Variants in LAMA4 observed in about 807,000 individuals in gnomAD.
LAMA4 encodes the protein laminin subunit alpha-4.
A neutral mutation model predicts 207.1 loss-of-function variants in LAMA4; 127 were observed. The ratio of observed to expected loss-of-function variants is 0.61; its 90% confidence interval spans 0.53 to 0.71. The LOEUF (loss-of-function observed/expected upper bound fraction) is 0.71. LAMA4 is among the 30% of genes least tolerant of loss of function. The pLI is 0.00. For missense variants in LAMA4, 2,093 were observed against 2,246.5 expected, an observed-to-expected ratio of 0.93 and a Z score of 1.38; for synonymous variants, 761 against 816.0, an observed-to-expected ratio of 0.93 and a Z score of 1.15.
chr6:112,251,956 T>A (rs782003096), intron 2 of LAMA4, among the ~76,000 whole-genome samples: 3 of 152,216 alleles, frequency 2.0e-5, no homozygotes, highest in Non-Finnish European at 2.9e-5. Flanking sequence ...TGGAAGAATA[T>A]AGATAAACAG....
chr6:112,190,408 C>T (rs1182410285), intron 6 of LAMA4, among the ~76,000 whole-genome samples: 1 of 152,148 alleles, frequency 6.6e-6, no homozygotes, highest in Non-Finnish European at 1.5e-5. Context: ...ATATATGTTG[C>T]ATTTTTTTTA....
intron 2 of LAMA4, among the ~76,000 whole-genome samples, chr6:112,235,942 CT>C: frequency 1.3e-5 from 2 of 152,312 alleles, no homozygotes; most frequent in South Asian, 4.2e-4. Flanking sequence ...GCGAAGAGAA[CT>C]TTCAACGTTT....
intron 2 of LAMA4, among the ~76,000 whole-genome samples, chr6:112,241,089 A>T (rs1233785133): frequency 7.3e-6 from 1 of 137,180 alleles, no homozygotes; most frequent in Non-Finnish European, 1.6e-5. Flanking sequence ...GCATAGCTGG[A>T]GTCACATGAA....
At chr6:112,180,430 A>G (rs2114907574) in intron 9 of LAMA4, among the ~76,000 whole-genome samples, 1 of 152,330 alleles carries the variant, frequency 6.6e-6, no homozygotes, top group African/African-American at 2.4e-5. Context: ...GCTTATATGA[A>G]TGTTTATTTT....
chr6:112,144,973 A>G, intron 18 of LAMA4, 40 bp from the exon 19 acceptor site: 1 of 1,520,104 alleles, frequency 6.6e-7, no homozygotes, highest in Non-Finnish European at 9.0e-7. Flanking sequence ...AAAATAACTC[A>G]ATATTATATT....
chr6:112,124,905 C>T (rs1041996167), intron 31 of LAMA4, among the ~76,000 whole-genome samples: 3 of 151,910 alleles, frequency 2.0e-5, no homozygotes, highest in African/African-American at 4.8e-5. Context: ...TACAGGCATG[C>T]GCCACCATGC....
rs1162798918 is a variant in LAMA4 at position 112,190,529 on chromosome 6, C to T, written c.718+1107G>A. On this transcript the variant is annotated intron_variant, in intron 6 of 38. Coordinates refer to ENST00000230538, the MANE Select transcript of LAMA4 (RefSeq NM_001105206.3). Reference sequence around the variant, plus strand: ...CAATATTTCCTGCTCTCCCACTCTCCCCTCAAAGTCACATAAGAGTAAGAC... The same window carrying T: ...CAATATTTCCTGCTCTCCCACTCTCTCCTCAAAGTCACATAAGAGTAAGAC... 2.0e-5 allele frequency among the ~76,000 whole-genome samples: 3 copies of T among 152,268 alleles called. No homozygotes were observed. The South Asian group carries it at 6.2e-4, about 32-fold the overall frequency.
intron 20 of LAMA4, 50 bp from the exon 21 acceptor site, chr6:112,141,553 A>C: frequency 7.3e-7 from 1 of 1,365,588 alleles, no homozygotes; most frequent in Non-Finnish European, 1.0e-6. Context: ...CATAAGAATG[A>C]ACATCATCTT....
intron 15 of LAMA4, 65 bp downstream of exon 15, chr6:112,155,500 G>T: frequency 6.4e-7 from 1 of 1,553,192 alleles, no homozygotes; most frequent in Non-Finnish European, 8.9e-7. Context: ...TTCAAGAGAT[G>T]ACATCAGAAA....
chr6:112,252,123 CT>C (rs1787505192), intron 2 of LAMA4, among the ~76,000 whole-genome samples: 1 of 152,322 alleles, frequency 6.6e-6, no homozygotes, highest in Admixed American at 6.5e-5. Flanking sequence ...ATGTCAAGCA[CT>C]ATGCTAAGCA....
intron 2 of LAMA4, among the ~76,000 whole-genome samples, chr6:112,244,400 C>T (rs1050372682): frequency 6.6e-6 from 1 of 152,202 alleles, no homozygotes; most frequent in Non-Finnish European, 1.5e-5. Flanking sequence ...TTCCCCATCC[C>T]TTTCCTGGAA....
Position 112,148,181 on chromosome 6 carries a change from C to A in LAMA4, c.2329G>T (p.Ala777Ser). 1.2e-6 allele frequency: 2 copies of A among 1,614,106 alleles called. No homozygotes were observed. Among genetic ancestry groups the A allele is most frequent in the South Asian group, 2.2e-5 (2 of 91,084 alleles). Residue 777 changes from alanine (A) to serine (S), a missense_variant, in exon 18 of 39, where the codon GCA (alanine) becomes TCA (serine). Physicochemically the swap from Ala to Ser is moderately conservative, Grantham distance 99. Transcript: ENST00000230538. Reference sequence around the variant, plus strand: ...CCTGCATCCCTAGCAGAGTTCACTGCAGTGTTGTAAGCAGAAGAGTCAAAA... The same window carrying A: ...CCTGCATCCCTAGCAGAGTTCACTGAAGTGTTGTAAGCAGAAGAGTCAAAA... ...QHFDSSAYNT[A>S]VNSARDAVRN...
intron 13 of LAMA4, 21 bp downstream of exon 13, chr6:112,165,139 A>G: frequency 7.3e-7 from 1 of 1,370,860 alleles, no homozygotes; most frequent in Non-Finnish European, 1.0e-6. Flanking sequence ...ACAAACCTGA[A>G]CAAGTCACGT....
intron 3 of LAMA4, among the ~76,000 whole-genome samples, chr6:112,212,545 T>C (rs1255525960): frequency 1.3e-5 from 2 of 152,160 alleles, no homozygotes; most frequent in African/African-American, 4.8e-5. Flanking sequence ...TATTCTTATG[T>C]TGATGGGCAC....
intron 2 of LAMA4, among the ~76,000 whole-genome samples, chr6:112,250,293 A>G (rs1435862645): frequency 5.9e-5 from 9 of 152,202 alleles, no homozygotes; most frequent in Non-Finnish European, 1.3e-4. Flanking sequence ...TGTTTTTATT[A>G]AACATTCTGC....
intron 3 of LAMA4, among the ~76,000 whole-genome samples, chr6:112,212,805 C>A (rs1162025160): frequency 6.6e-6 from 1 of 152,182 alleles, no homozygotes; most frequent in South Asian, 2.1e-4. Flanking sequence ...TAATCAGTTT[C>A]TTCCTGTTCT....
chr6:112,160,973 A>G (rs1223221271), intron 13 of LAMA4, among the ~76,000 whole-genome samples: 1 of 152,102 alleles, frequency 6.6e-6, no homozygotes, highest in African/African-American at 2.4e-5. Flanking sequence ...TCTCTCACCA[A>G]TTTCATCAAT....
intron 38 of LAMA4, among the ~76,000 whole-genome samples, chr6:112,109,795 T>G (rs1777596168): frequency 7.2e-6 from 1 of 138,924 alleles, no homozygotes; most frequent in Non-Finnish European, 1.5e-5. Context: ...TTGCCATGTT[T>G]TCCATGATCA....
At chr6:112,190,891 C>T (rs1304351042) in intron 6 of LAMA4, among the ~76,000 whole-genome samples, 1 of 68,692 alleles carries the variant, frequency 1.5e-5, no homozygotes, top group African/African-American at 5.7e-5. Flanking sequence ...TTCTTTCTTT[C>T]TTTCTTTCTT....
Sources: allele counts gnomAD v4.1 joint callset (sites outside exome capture counted in the v4.1 genomes callset), GRCh38; gene constraint gnomAD v4.1.1; transcripts MANE v1.5; gene names NCBI Gene and HGNC (gene_info 2026-07-23, HGNC 2026-07-21).